Variants in TANC2 observed in about 807,000 individuals in gnomAD.
TANC2 encodes the protein protein TANC2.
Under a neutral mutation model 210.5 loss-of-function variants are expected in TANC2, and 26 were observed. The ratio of observed to expected loss-of-function variants is 0.12; its 90% CI spans 0.09 to 0.17. The LOEUF (loss-of-function observed/expected upper bound fraction) is 0.17. TANC2 is among the 10% of genes least tolerant of loss of function. The pLI, the probability that TANC2 is intolerant of heterozygous loss-of-function variation, is 1.00. For synonymous variants in TANC2, 931 were observed against 967.1 expected, an observed-to-expected ratio of 0.96 and a Z score of 0.69; for missense variants, 2,129 against 2,608.9, an observed-to-expected ratio of 0.82 and a Z score of 4.01.
intron 7 of TANC2, among the ~76,000 whole-genome samples, chr17:63,227,393 C>CT (rs1410283156): frequency 5.9e-5 from 9 of 152,122 alleles, no homozygotes; most frequent in African/African-American, 2.2e-4. Flanking sequence ...GCATAAATGT[C>CT]TTCTTTTGAG....
chr17:62,973,186 T>A (rs1212844599), intron 1 of TANC2, among the ~76,000 whole-genome samples: 1 of 152,188 alleles, frequency 6.6e-6, no homozygotes, highest in Admixed American at 6.5e-5. Context: ...TGTGCCACCA[T>A]GCCCAGCTAA....
At chr17:63,325,850 A>G (rs914487624) in intron 11 of TANC2, among the ~76,000 whole-genome samples, 1 of 152,232 alleles carries the variant, frequency 6.6e-6, no homozygotes, top group Non-Finnish European at 1.5e-5. Context: ...CAATCCTCTA[A>G]GACAAAGTTT....
intron 7 of TANC2, among the ~76,000 whole-genome samples, chr17:63,204,364 C>A (rs2041630442): frequency 6.6e-6 from 1 of 151,988 alleles, no homozygotes; most frequent in Non-Finnish European, 1.5e-5. Flanking sequence ...GATATACTGT[C>A]TTCATGGATT....
intron 16 of TANC2, among the ~76,000 whole-genome samples, chr17:63,389,069 C>CT (rs2047878250): frequency 6.6e-6 from 1 of 152,090 alleles, no homozygotes; most frequent in Admixed American, 6.5e-5. Flanking sequence ...TTCGTAGAGA[C>CT]TATGTTCAGC....
At chr17:63,249,881 G>A (rs868850800) in intron 8 of TANC2, among the ~76,000 whole-genome samples, 1 of 152,108 alleles carries the variant, frequency 6.6e-6, no homozygotes, top group Non-Finnish European at 1.5e-5. Flanking sequence ...GTTTGCATTA[G>A]TGGCAACTGA....
chr17:63,133,637 TTATTA>T (rs1272707183), intron 4 of TANC2, among the ~76,000 whole-genome samples: 2 of 152,188 alleles, frequency 1.3e-5, no homozygotes, highest in African/African-American at 4.8e-5. Flanking sequence ...CCTCAGTTCT[TTATTA>T]TATGTAAAAC....
chr17:63,351,427 G>C lies in TANC2; in HGVS notation c.1974+11G>C, dbSNP rs756349352. The C allele has an allele frequency of 6.4e-7, 1 of 1,569,456 alleles. No homozygotes were observed. The highest frequency in any genetic ancestry group is 2.3e-5 in the East Asian group (1 of 43,594). On this transcript the variant is annotated intron_variant, in intron 13 of 27. Coordinates refer to ENST00000689528, the Ensembl canonical transcript of TANC2. The stretch of plus-strand genomic sequence containing the variant: ...AGGACCAGTTTACAGGTATGTGTTT[G>C]TTTGCTTTTAAACCATAAATGATTC...
chr17:63,134,342 A>G (rs1469375914), intron 4 of TANC2, among the ~76,000 whole-genome samples: 1 of 152,186 alleles, frequency 6.6e-6, no homozygotes, highest in East Asian at 1.9e-4. Flanking sequence ...CATTGAGCAC[A>G]TTATATATGC....
intron 4 of TANC2, among the ~76,000 whole-genome samples, chr17:63,136,981 C>T (rs1269785654): frequency 6.6e-6 from 1 of 152,126 alleles, no homozygotes; most frequent in African/African-American, 2.4e-5. Context: ...GGTTCTTTTG[C>T]ATCTTTAATA....
chr17:63,377,121 T>C (rs893678582), intron 14 of TANC2, among the ~76,000 whole-genome samples: 3 of 152,218 alleles, frequency 2.0e-5, no homozygotes, highest in African/African-American at 7.2e-5. Flanking sequence ...AGCAAGGCCC[T>C]GGGCCCAGCC....
At chr17:63,055,650 C>CTT (rs369794571) in intron 2 of TANC2, among the ~76,000 whole-genome samples, 83 of 138,662 alleles carry the variant, frequency 6.0e-4, no homozygotes, top group African/African-American at 1.7e-3. Context: ...AACATCTTCA[C>CTT]TTTTTTTTTT....
intron 5 of TANC2, among the ~76,000 whole-genome samples, chr17:63,190,428 C>T (rs2041145676): frequency 6.6e-6 from 1 of 152,152 alleles, no homozygotes; most frequent in East Asian, 1.9e-4. Flanking sequence ...ATGCCAGTAC[C>T]ATACTGCCTT....
Position 63,225,813 on chromosome 17 carries a change from G to A in TANC2, c.770-12001G>A, listed in dbSNP as rs186103132. ...AACTTTTCTGTTTGCCTTCAATCAG[G>A]TAATCCTCTGACACAGGAGATCATG... On this transcript the variant is annotated intron_variant, in intron 7 of 27. Transcript: ENST00000689528. Among the ~76,000 whole-genome samples the A allele has an allele frequency of 2.7e-3, 413 of 152,210 alleles. 1 individual carries two copies. Among genetic ancestry groups the A allele is most frequent in the Non-Finnish European group, 4.1e-3 (282 of 68,000 alleles).
intron 3 of TANC2, among the ~76,000 whole-genome samples, chr17:63,098,513 G>GTATATATATA (rs779741664): frequency 0.11 from 13,244 of 125,244 alleles, 1,201 homozygotes; most frequent in South Asian, 0.17. Context: ...CTCTCTCTGT[G>GTATATATATA]TGTATATATA....
chr17:63,327,204 T>C (rs1320112797), intron 11 of TANC2, among the ~76,000 whole-genome samples: 1 of 152,174 alleles, frequency 6.6e-6, no homozygotes, highest in Non-Finnish European at 1.5e-5. Context: ...TAGAATGGCT[T>C]TTGCCAAAAA....
rs186365889 is a variant in TANC2 at position 63,248,875 on chromosome 17, A to T, written c.1033+10798A>T. Among the ~76,000 whole-genome samples, 553 of 152,288 alleles carry T rather than the reference A, an allele frequency of 3.6e-3. 4 individuals carry two copies. Among genetic ancestry groups the T allele is most frequent in the African/African-American group, 0.013 (531 of 41,562 alleles). On this transcript the variant is annotated intron_variant, in intron 8 of 27. Transcript: ENST00000689528. ...CAAATATTTATGGTGAATTATTTTT[A>T]AAAATATTTTTCTAAGCTTTTAACT...
At position 63,195,203 on chromosome 17, in the gene TANC2, T is replaced by A. The variant is rs192178420; in HGVS notation, c.582+1064T>A. 1.6e-3 allele frequency among the ~76,000 whole-genome samples: 245 copies of A among 152,308 alleles called. 1 individual carries two copies. The highest frequency in any genetic ancestry group is 2.4e-3 in the Non-Finnish European group (163 of 68,026). On this transcript the variant is annotated intron_variant, in intron 6 of 27. Transcript: ENST00000689528. ...AAATACTATCTTAACTCCCAAATTA[T>A]CTCTAGCCCTGCCTTTTCCCCTTTA...
chr17:63,327,488 G>A (rs555418201), intron 11 of TANC2, among the ~76,000 whole-genome samples: 3 of 152,276 alleles, frequency 2.0e-5, no homozygotes, highest in African/African-American at 4.8e-5. Flanking sequence ...TTCTTTAAGT[G>A]TGTTATTTTT....
intron 3 of TANC2, among the ~76,000 whole-genome samples, chr17:63,091,417 C>G (rs530372693): frequency 5.1e-4 from 77 of 152,258 alleles, no homozygotes; most frequent in African/African-American, 1.6e-3. Context: ...CCAGTTTCAG[C>G]TTTCTACATA....
Sources: allele counts gnomAD v4.1 joint callset (sites outside exome capture counted in the v4.1 genomes callset), GRCh38; gene constraint gnomAD v4.1.1; transcripts MANE v1.5; gene names NCBI Gene and HGNC (gene_info 2026-07-23, HGNC 2026-07-21).